Variants in SKAP1 observed in about 807,000 individuals in gnomAD.
The protein encoded by SKAP1 is src kinase associated phosphoprotein 1, also known as src kinase-associated phosphoprotein 1.
SKAP1 carries 44 observed loss-of-function variants against 58.5 expected under a neutral mutation model. That is an observed-to-expected ratio of 0.75 (90% CI 0.59 to 0.97). The LOEUF (loss-of-function observed/expected upper bound fraction) is 0.97. Ranked by LOEUF, SKAP1 falls within the 50% of genes least tolerant of loss-of-function variation. SKAP1 has a pLI of 0.00. For missense variants in SKAP1, 390 were observed against 435.2 expected, an observed-to-expected ratio of 0.90 and a Z score of 0.92; for synonymous variants, 127 against 149.7, an observed-to-expected ratio of 0.85 and a Z score of 1.11.
chr17:48,193,092 A>G (rs941946392), intron 4 of SKAP1, among the ~76,000 whole-genome samples: 2 of 151,902 alleles, frequency 1.3e-5, no homozygotes, highest in Non-Finnish European at 2.9e-5. Flanking sequence ...CCCAGGCTGG[A>G]GTGTAATGGT....
intron 1 of SKAP1, among the ~76,000 whole-genome samples, chr17:48,397,547 A>T (rs2067437279): frequency 6.6e-6 from 1 of 152,174 alleles, no homozygotes; most frequent in Non-Finnish European, 1.5e-5. Flanking sequence ...TTTCATAAAC[A>T]TGTAATATTA....
intron 2 of SKAP1, chr17:48,382,327 C>T (rs2067226259): frequency 1.3e-5 from 2 of 152,100 alleles, no homozygotes; most frequent in African/African-American, 4.8e-5. Context: ...GCACGTGTAC[C>T]CTAGAACTTA....
At chr17:48,189,957 C>T (rs1466105743) in intron 4 of SKAP1, among the ~76,000 whole-genome samples, 3 of 152,104 alleles carry the variant, frequency 2.0e-5, no homozygotes, top group Non-Finnish European at 2.9e-5. Context: ...GGATTACAGA[C>T]GTGAGCCACC....
intron 1 of SKAP1, among the ~76,000 whole-genome samples, chr17:48,424,283 T>C (rs936171971): frequency 2.2e-5 from 3 of 139,052 alleles, no homozygotes; most frequent in African/African-American, 8.0e-5. Flanking sequence ...TGGAGTGCAG[T>C]GGCGCGATCT....
chr17:48,267,570 A>G (rs1389279226), intron 4 of SKAP1, among the ~76,000 whole-genome samples: 1 of 152,246 alleles, frequency 6.6e-6, no homozygotes, highest in Non-Finnish European at 1.5e-5. Flanking sequence ...TTAATCATTA[A>G]TAACTTAGAA....
intron 1 of SKAP1, among the ~76,000 whole-genome samples, chr17:48,412,345 AT>A (rs897021055): frequency 6.6e-6 from 1 of 152,210 alleles, no homozygotes; most frequent in Non-Finnish European, 1.5e-5. Context: ...TCTTCTTTAT[AT>A]TCTCTATATT....
intron 6 of SKAP1, among the ~76,000 whole-genome samples, chr17:48,185,783 T>C (rs1178435863): frequency 1.3e-5 from 2 of 152,204 alleles, no homozygotes; most frequent in East Asian, 1.9e-4. Context: ...ACAAACACTA[T>C]TCTTACTAAG....
chr17:48,371,086 T>A (rs138310266), intron 2 of SKAP1, among the ~76,000 whole-genome samples: 15 of 152,098 alleles, frequency 9.9e-5, no homozygotes, highest in Non-Finnish European at 2.2e-4. Context: ...ATTAGGTACT[T>A]ATGAACATAA....
Position 48,137,418 on chromosome 17 carries a change from T to C in SKAP1, c.979-81A>G, listed in dbSNP as rs1399162175. ...TTATTCTAGTGATTGCATGGGAGAT[T>C]CTGTTTGGTGGTTTCATTGTTGCCA... On this transcript the variant is annotated intron_variant, in intron 11 of 12. Coordinates refer to ENST00000336915, the MANE Select transcript of SKAP1 (RefSeq NM_003726.4). The C allele has an allele frequency of 8.5e-6, 8 of 940,562 alleles. 1 individual carries two copies. Among genetic ancestry groups the C allele is most frequent in the Non-Finnish European group, 1.2e-5 (7 of 581,844 alleles). 58.3% of individuals were successfully genotyped at this position (940,562 alleles called of 1,614,324 possible).
chr17:48,415,105 T>C (rs2067715720), intron 1 of SKAP1, among the ~76,000 whole-genome samples: 1 of 152,214 alleles, frequency 6.6e-6, no homozygotes, highest in Admixed American at 6.5e-5. Flanking sequence ...ATCAACCTTT[T>C]ATTTGGAGGC....
intron 11 of SKAP1, among the ~76,000 whole-genome samples, chr17:48,153,342 G>A (rs988807603): frequency 6.6e-6 from 1 of 152,100 alleles, no homozygotes; most frequent in Non-Finnish European, 1.5e-5. Flanking sequence ...TACCTGGAAG[G>A]AATGAGGCTG....
At position 48,413,868 on chromosome 17, in the gene SKAP1, C is replaced by T. The variant is rs969544494; in HGVS notation, c.46+16207G>A. Among the ~76,000 whole-genome samples the T allele has an allele frequency of 4.6e-5, 7 of 152,216 alleles. 1 individual carries two copies. In the South Asian group the frequency reaches 8.3e-4, roughly 18 times the overall value. On this transcript the variant is annotated intron_variant, in intron 1 of 12. Transcript: ENST00000336915. ...AACATCCCCCAGATGCTTCTAACAT[C>T]GCAGCATTCACTCTATGTAGGACCT...
the SKAP1 span, among the ~76,000 whole-genome samples, chr17:48,442,296 T>C: frequency 6.6e-6 from 1 of 152,170 alleles, no homozygotes; most frequent in African/African-American, 2.4e-5. Context: ...ACAACACAGT[T>C]GGTTATTTCT....
chr17:48,363,912 T>G, intron 2 of SKAP1, 98 bp from the exon 3 acceptor site: 1 of 903,222 alleles, frequency 1.1e-6, no homozygotes, highest in Non-Finnish European at 1.7e-6. Context: ...CCAAAAAGCT[T>G]GCTAAAGTCT....
chr17:48,350,302 C>A (rs2066782747), intron 3 of SKAP1, among the ~76,000 whole-genome samples: 1 of 151,988 alleles, frequency 6.6e-6, no homozygotes, highest in African/African-American at 2.4e-5. Context: ...TTTTGTTAGT[C>A]TACATCATCG....
At chr17:48,140,319 T>G (rs1282348894) in intron 11 of SKAP1, among the ~76,000 whole-genome samples, 2 of 152,216 alleles carry the variant, frequency 1.3e-5, no homozygotes, top group Admixed American at 1.3e-4. Flanking sequence ...TTAGTTTCTA[T>G]GATAATTATA....
At chr17:48,307,296 C>A (rs2066156292) in intron 4 of SKAP1, 1 of 152,130 alleles carries the variant, frequency 6.6e-6, no homozygotes. Context: ...CGAGAATATA[C>A]TAATTTGTTT....
At chr17:48,258,503 A>G (rs2065450234) in intron 4 of SKAP1, among the ~76,000 whole-genome samples, 1 of 152,120 alleles carries the variant, frequency 6.6e-6, no homozygotes, top group Non-Finnish European at 1.5e-5. Context: ...TCCACTCTGT[A>G]ATGCACTGCA....
intron 4 of SKAP1, among the ~76,000 whole-genome samples, chr17:48,322,807 G>A (rs1043367663): frequency 1.3e-5 from 2 of 152,132 alleles, no homozygotes; most frequent in Non-Finnish European, 2.9e-5. Context: ...AAGAAATATG[G>A]TAGAATGGCT....
Sources: allele counts gnomAD v4.1 joint callset (sites outside exome capture counted in the v4.1 genomes callset), GRCh38; gene constraint gnomAD v4.1.1; transcripts MANE v1.5; gene names NCBI Gene and HGNC (gene_info 2026-07-23, HGNC 2026-07-21).